CWC27: variants seen among roughly 807,000 people sequenced by gnomAD.
The protein encoded by CWC27 is spliceosome-associated protein CWC27 homolog.
A neutral mutation model predicts 63.6 loss-of-function variants in CWC27; 47 were observed. The ratio of observed to expected loss-of-function variants is 0.74; its 90% CI spans 0.58 to 0.94. The LOEUF is 0.94. CWC27 is among the 40% of genes least tolerant of loss of function. CWC27 has a pLI of 0.00. For missense variants in CWC27, 495 were observed against 554.3 expected, an observed-to-expected ratio of 0.89 and a Z score of 1.07; for synonymous variants, 175 against 179.8, an observed-to-expected ratio of 0.97 and a Z score of 0.22.
intron 10 of CWC27, among the ~76,000 whole-genome samples, chr5:64,829,724 A>G (rs1745463138): frequency 6.9e-6 from 1 of 144,846 alleles, no homozygotes; most frequent in Non-Finnish European, 1.5e-5. Context: ...TACACGTGTC[A>G]TGGTGGTTTG....
intron 13 of CWC27, among the ~76,000 whole-genome samples, chr5:65,009,157 G>A (rs1215176041): frequency 1.3e-5 from 2 of 152,156 alleles, no homozygotes; most frequent in African/African-American, 4.8e-5. Context: ...TGACAGGGGA[G>A]TGAGAGTGAA....
chr5:64,816,508 C>G (rs935870739), intron 10 of CWC27, among the ~76,000 whole-genome samples: 17 of 152,092 alleles, frequency 1.1e-4, no homozygotes, highest in African/African-American at 3.9e-4. Flanking sequence ...AAGAAGCTAG[C>G]CCTCTTTCGT....
chr5:65,016,844 A>G (rs1750056637), intron 13 of CWC27, among the ~76,000 whole-genome samples: 2 of 152,162 alleles, frequency 1.3e-5, no homozygotes. Context: ...CTGCCTACCT[A>G]CTACCCAGAT....
chr5:64,950,200 T>C (rs1748678209), intron 11 of CWC27, among the ~76,000 whole-genome samples: 1 of 152,040 alleles, frequency 6.6e-6, no homozygotes, highest in South Asian at 2.1e-4. Context: ...CCTTACATTA[T>C]ATTTGTGTTG....
intron 13 of CWC27, among the ~76,000 whole-genome samples, chr5:65,013,537 A>G (rs1430079481): frequency 6.6e-6 from 1 of 152,232 alleles, no homozygotes; most frequent in African/African-American, 2.4e-5. Flanking sequence ...AATTGATGAA[A>G]GAAATGAAAT....
At chr5:64,793,965 G>A (rs538566536) in intron 7 of CWC27, among the ~76,000 whole-genome samples, 3 of 152,162 alleles carry the variant, frequency 2.0e-5, no homozygotes, top group African/African-American at 7.2e-5. Context: ...TCATGACAAG[G>A]TGCCTCTCCC....
chr5:64,910,895 C>A (rs900946153), intron 11 of CWC27, among the ~76,000 whole-genome samples: 1 of 152,212 alleles, frequency 6.6e-6, no homozygotes, highest in South Asian at 2.1e-4. Context: ...ATCCCCCTAC[C>A]CTTTGTGCTT....
At chr5:64,972,484 A>G (rs1749143278) in intron 12 of CWC27, among the ~76,000 whole-genome samples, 1 of 152,092 alleles carries the variant, frequency 6.6e-6, no homozygotes. Context: ...GCTGCCATAT[A>G]TATGTTTATA....
intron 10 of CWC27, 131 bp downstream of exon 10, chr5:64,804,517 A>G: frequency 1.0e-6 from 1 of 986,346 alleles, no homozygotes; most frequent in Non-Finnish European, 1.4e-6. Flanking sequence ...TAACAGTTGT[A>G]CAAATTGGCC....
At chr5:64,778,313 C>CT (rs1424465480) in intron 2 of CWC27, among the ~76,000 whole-genome samples, 5 of 151,936 alleles carry the variant, frequency 3.3e-5, no homozygotes, top group African/African-American at 1.2e-4. Context: ...CTTTCTTTCT[C>CT]TCTCTCTCTC....
chr5:64,791,052 G>A (rs1447970498), intron 7 of CWC27, among the ~76,000 whole-genome samples: 7 of 152,194 alleles, frequency 4.6e-5, no homozygotes, highest in East Asian at 1.9e-4. Context: ...CACTGGTAGC[G>A]TAGCATTCTG....
intron 10 of CWC27, among the ~76,000 whole-genome samples, chr5:64,854,623 G>T (rs1746208830): frequency 6.6e-6 from 1 of 152,200 alleles, no homozygotes; most frequent in South Asian, 2.1e-4. Context: ...TTATAAAGTT[G>T]ATCTTGGATA....
At chr5:64,811,114 C>T (rs1389087335) in intron 10 of CWC27, among the ~76,000 whole-genome samples, 1 of 151,978 alleles carries the variant, frequency 6.6e-6, no homozygotes, top group African/African-American at 2.4e-5. Context: ...TTTAAAAACA[C>T]TCCATGTAAG....
intron 11 of CWC27, among the ~76,000 whole-genome samples, chr5:64,924,866 G>A (rs976668660): frequency 1.3e-5 from 2 of 152,102 alleles, no homozygotes; most frequent in Non-Finnish European, 2.9e-5. Context: ...ATTTAGCATA[G>A]TGCTAATGAG....
At chr5:64,806,483 C>G (rs1337481663) in intron 10 of CWC27, among the ~76,000 whole-genome samples, 1 of 152,094 alleles carries the variant, frequency 6.6e-6, no homozygotes, top group Non-Finnish European at 1.5e-5. Flanking sequence ...CTGTTCTGTT[C>G]CCCCACATTT....
At chr5:64,923,756 T>C (rs927396097) in intron 11 of CWC27, among the ~76,000 whole-genome samples, 2 of 151,656 alleles carry the variant, frequency 1.3e-5, no homozygotes, top group Non-Finnish European at 2.9e-5. Context: ...TTCATTTTTC[T>C]AACTCTAGCT....
intron 10 of CWC27, among the ~76,000 whole-genome samples, chr5:64,824,250 G>A (rs1481674260): frequency 6.6e-6 from 1 of 152,024 alleles, no homozygotes; most frequent in Admixed American, 6.5e-5. Context: ...AACATAAAAT[G>A]TCACTCTTTA....
intron 10 of CWC27, chr5:64,844,792 G>A (rs546676561): frequency 5.4e-5 from 23 of 423,654 alleles, no homozygotes; most frequent in Non-Finnish European, 1.1e-4. Context: ...GCCTAGACCT[G>A]TTTGACCCAG....
intron 10 of CWC27, among the ~76,000 whole-genome samples, chr5:64,850,238 C>A (rs1746102793): frequency 1.1e-5 from 1 of 88,876 alleles, no homozygotes; most frequent in African/African-American, 4.8e-5. Flanking sequence ...AAAAAAAGAC[C>A]CGTCAACCAA....
Sources: gnomAD v4.1 joint callset for allele counts (sites outside exome capture counted in the v4.1 genomes callset) on GRCh38, gnomAD v4.1.1 for gene constraint, MANE v1.5 for transcripts, NCBI Gene and HGNC (gene_info 2026-07-23, HGNC 2026-07-21) for gene names.